Variants in NT5E observed in about 807,000 individuals in gnomAD.
The protein encoded by NT5E is 5'-nucleotidase.
A neutral mutation model predicts 55.1 loss-of-function variants in NT5E; 53 were observed. The ratio of observed to expected loss-of-function variants is 0.96; its 90% confidence interval spans 0.77 to 1.21. The LOEUF is 1.21. Among genes scored for constraint, NT5E ranks in the 50% most tolerant of loss-of-function variants. The pLI, the probability that NT5E is intolerant of heterozygous loss-of-function variation, is 0.00. For synonymous variants in NT5E, 270 were observed against 278.4 expected, an observed-to-expected ratio of 0.97 and a Z score of 0.30; for missense variants, 683 against 724.3, an observed-to-expected ratio of 0.94 and a Z score of 0.65.
intron 1 of NT5E, among the ~76,000 whole-genome samples, chr6:85,453,493 G>A (rs1317155076): frequency 6.6e-6 from 1 of 152,148 alleles, no homozygotes; most frequent in Non-Finnish European, 1.5e-5. Flanking sequence ...AAGTACCATT[G>A]CCTAAACTAT....
At chr6:85,470,089 G>A (rs1286710626) in intron 2 of NT5E, among the ~76,000 whole-genome samples, 1 of 152,172 alleles carries the variant, frequency 6.6e-6, no homozygotes, top group Non-Finnish European at 1.5e-5. Flanking sequence ...ATCAGTGTAA[G>A]AACGTCTGGA....
chr6:85,458,547 G>A (rs6942065), intron 1 of NT5E, among the ~76,000 whole-genome samples: 25,649 of 152,160 alleles, frequency 0.17, 2,497 homozygotes, highest in African/African-American at 0.26. Flanking sequence ...TCATATTGGC[G>A]GCTTTCTGCA....
intron 1 of NT5E, among the ~76,000 whole-genome samples, chr6:85,465,808 A>T (rs1197460314): frequency 6.6e-5 from 10 of 152,216 alleles, no homozygotes; most frequent in African/African-American, 1.7e-4. Context: ...GATATAAAAG[A>T]AAGATCCTGC....
chr6:85,452,084 A>G (rs1768871451), intron 1 of NT5E, among the ~76,000 whole-genome samples: 1 of 152,228 alleles, frequency 6.6e-6, no homozygotes, highest in South Asian at 2.1e-4. Context: ...TCTCTTAAGC[A>G]TTGGTATTCC....
rs1458520974 is a variant in NT5E at position 85,490,628 on chromosome 6, A to G, written c.1331A>G (p.Gln444Arg). ...GAGCATAGCGTGCACCGCTACGGCC[A>G]GTCCACTGGAGAGTTCCTGCAGGTG... ...AFEHSVHRYG[Q>R]STGEFLQVGG... The change falls in exon 7 of 9, where the codon CAG becomes CGG. Residue 444 changes from glutamine to arginine, a missense_variant. By Grantham distance (43) the Gln-to-Arg change is conservative. Transcript: ENST00000257770. 1 of 1,614,096 alleles carries G rather than the reference A, an allele frequency of 6.2e-7. No individual in the cohort carries two copies. Among genetic ancestry groups the G allele is most frequent in the South Asian group, 1.1e-5 (1 of 91,088 alleles).
chr6:85,493,976 G>T lies in NT5E; in HGVS notation c.1697G>T (p.Trp566Leu). Residue 566 changes from tryptophan to leucine, a missense_variant, in exon 9 of 9, where the codon TGG becomes TTG. Trp to Leu is a moderately conservative substitution (Grantham distance 61). Coordinates refer to ENST00000257770, the MANE Select transcript of NT5E (RefSeq NM_002526.4). ...TTTTCTTTAATATTTCTTTCACTTT[G>T]GGCAGTGATCTTTGTTTTATACCAA... Reference protein sequence around the residue: ...GSFSLIFLSLWAVIFVLYQ With the variant: ...GSFSLIFLSLLAVIFVLYQ 1 of 1,613,942 alleles carries T rather than the reference G, an allele frequency of 6.2e-7. No individual in the cohort carries two copies. Among genetic ancestry groups the T allele is most frequent in the Non-Finnish European group, 8.5e-7 (1 of 1,179,954 alleles).
chr6:85,477,266 C>T (rs1769457684), intron 3 of NT5E, among the ~76,000 whole-genome samples: 2 of 152,096 alleles, frequency 1.3e-5, no homozygotes, highest in African/African-American at 4.8e-5. Context: ...AGGCAGGTGT[C>T]TGGTATTGTT....
At chr6:85,468,495 T>A (rs1402446213) in intron 2 of NT5E, among the ~76,000 whole-genome samples, 2 of 152,178 alleles carry the variant, frequency 1.3e-5, no homozygotes. Context: ...GCAGGCTCCA[T>A]GAGGACAGAA....
At position 85,456,347 on chromosome 6, in the gene NT5E, C is replaced by CAATTAT. The variant is rs1378991803; in HGVS notation, c.339+5869_339+5870insAATTAT. On this transcript the variant is annotated intron_variant, in intron 1 of 8. Transcript: ENST00000257770. ...TTCCAAGTTCTGTGACTCGTTCTAGCCAATTATCAATCCCAAGGATAGGGT... is the reference window on the plus strand; with the variant it reads ...TTCCAAGTTCTGTGACTCGTTCTAGCAATTATCAATTATCAATCCCAAGGATAGGGT... 8.5e-5 allele frequency among the ~76,000 whole-genome samples: 13 copies of CAATTAT among 152,258 alleles called. No homozygotes were observed. In the South Asian group the frequency reaches 2.5e-3, roughly 29 times the overall value.
At chr6:85,491,169 A>C (rs754665947) in intron 7 of NT5E, 2 of 487,702 alleles carry the variant, frequency 4.1e-6, no homozygotes, top group Non-Finnish European at 4.2e-6. Context: ...CTCTGGGCAC[A>C]GGGAGAAAAC....
intron 2 of NT5E, 138 bp from the exon 3 acceptor site, chr6:85,471,099 T>A (rs1342077455): frequency 2.0e-6 from 1 of 511,702 alleles, no homozygotes; most frequent in African/African-American, 1.9e-5. Context: ...TTGTATTTAA[T>A]GAATAAATAT....
chr6:85,481,333 G>A (rs1316896986), intron 3 of NT5E, among the ~76,000 whole-genome samples: 5 of 152,154 alleles, frequency 3.3e-5, no homozygotes, highest in African/African-American at 9.7e-5. Context: ...CTGTGAAAGC[G>A]TATAAAAGGA....
rs150886578 is a variant in NT5E at position 85,452,016 on chromosome 6, G to C, written c.339+1538G>C. 5.5e-3 allele frequency among the ~76,000 whole-genome samples: 842 copies of C among 152,330 alleles called. 7 individuals are homozygous for C. The highest frequency in any genetic ancestry group is 0.02 in the African/African-American group (813 of 41,564). ...TCCTTCAGCCTTCAGAGTTGATGAG[G>C]TGGGGCTCACACACATCTGGATTTG... On this transcript the variant is annotated intron_variant, in intron 1 of 8. Transcript: ENST00000257770.
chr6:85,467,025 C>T, intron 1 of NT5E, 35 bp from the exon 2 acceptor site: 1 of 1,569,642 alleles, frequency 6.4e-7, no homozygotes, highest in Non-Finnish European at 8.8e-7. Context: ...GTTTTTAAAG[C>T]ACCTAATTCT....
chr6:85,450,366 C>T lies in NT5E; in HGVS notation c.227C>T (p.Pro76Leu), dbSNP rs1469914282. Residue 76 changes from proline (P) to leucine (L), a missense_variant, in exon 1 of 9, where the codon CCC (proline) becomes CTC (leucine). Transcript: ENST00000257770. The surrounding 1 kb of genome is among the most constrained non-coding windows in gnomAD (Gnocchi z 4.0). Reference protein sequence around the residue: ...TKVQQIRRAEPNVLLLDAGDQ... With the variant: ...TKVQQIRRAELNVLLLDAGDQ... ...GTTCAGCAGATCCGCCGCGCCGAAC[C>T]CAACGTGCTGCTGCTGGACGCCGGC... The T allele has an allele frequency of 1.9e-6, 3 of 1,597,236 alleles. No individual in the cohort carries two copies. The highest frequency in any genetic ancestry group is 1.3e-5 in the African/African-American group (1 of 74,926).
At chr6:85,467,619 T>C (rs1769221017) in intron 2 of NT5E, among the ~76,000 whole-genome samples, 1 of 152,196 alleles carries the variant, frequency 6.6e-6, no homozygotes, top group Non-Finnish European at 1.5e-5. Context: ...CTCACTGCCC[T>C]TCTCCTGTGG....
intron 6 of NT5E, among the ~76,000 whole-genome samples, chr6:85,490,109 C>T (rs1050751430): frequency 6.6e-6 from 1 of 152,178 alleles, no homozygotes; most frequent in Non-Finnish European, 1.5e-5. Flanking sequence ...ACTGTGAAAA[C>T]CAATCAGTAT....
At chr6:85,481,085 G>A (rs1224564760) in intron 3 of NT5E, among the ~76,000 whole-genome samples, 1 of 152,112 alleles carries the variant, frequency 6.6e-6, no homozygotes, top group East Asian at 1.9e-4. Flanking sequence ...TCATAATCAT[G>A]TATGATCCCT....
At chr6:85,464,817 A>T (rs1356223441) in intron 1 of NT5E, among the ~76,000 whole-genome samples, 2 of 152,190 alleles carry the variant, frequency 1.3e-5, no homozygotes, top group African/African-American at 4.8e-5. Context: ...AGGGAGAGGG[A>T]TGCCAGAGGA....
Sources: allele counts gnomAD v4.1 joint callset (sites outside exome capture counted in the v4.1 genomes callset), GRCh38; gene constraint gnomAD v4.1.1; non-coding constraint Gnocchi (gnomAD v3.1); transcripts MANE v1.5; gene names NCBI Gene and HGNC (gene_info 2026-07-23, HGNC 2026-07-21).